Variants in PDE6A observed in about 807,000 individuals in gnomAD.
PDE6A encodes the protein rod cGMP-specific 3',5'-cyclic phosphodiesterase subunit alpha.
In PDE6A, 84 loss-of-function variants were observed where a neutral mutation model predicts 106.3. The observed-to-expected ratio is 0.79, with a 90% CI of 0.66 to 0.95. PDE6A has a LOEUF of 0.95. PDE6A is among the 40% of genes least tolerant of loss of function. PDE6A has a pLI of 0.00. For synonymous variants in PDE6A, 394 were observed against 386.6 expected (o/e 1.02, Z -0.23); for missense variants, 1,052 against 1,084.9 (o/e 0.97, Z 0.43).
At chr5:149,912,470 T>G in intron 6 of PDE6A, among the ~76,000 whole-genome samples, 1 of 152,234 alleles carries the variant, frequency 6.6e-6, no homozygotes, top group East Asian at 1.9e-4. Context: ...TCAAGTAATG[T>G]GTGGCCATGT....
At chr5:149,871,141 G>C (rs1760533652) in intron 17 of PDE6A, among the ~76,000 whole-genome samples, 1 of 152,156 alleles carries the variant, frequency 6.6e-6, no homozygotes, top group Non-Finnish European at 1.5e-5. Flanking sequence ...TTAGAAGACA[G>C]GGTCTTTGTG....
At chr5:149,877,209 C>T (rs1466985356) in intron 17 of PDE6A, among the ~76,000 whole-genome samples, 1 of 152,126 alleles carries the variant, frequency 6.6e-6, no homozygotes, top group Non-Finnish European at 1.5e-5. Context: ...ACCCCACCCA[C>T]TGGCTGGGAA....
chr5:149,906,395 G>A (rs985475480), intron 7 of PDE6A, among the ~76,000 whole-genome samples: 2 of 151,418 alleles, frequency 1.3e-5, no homozygotes, highest in South Asian at 4.2e-4. Flanking sequence ...GTGTGGTGGT[G>A]CATGCCTGTA....
chr5:149,917,970 CT>C (rs1753603142), intron 5 of PDE6A, among the ~76,000 whole-genome samples: 1 of 152,136 alleles, frequency 6.6e-6, no homozygotes, highest in Admixed American at 6.5e-5. Context: ...CTATTAACCC[CT>C]GGTCAAGGCA....
rs763623940 is a variant in PDE6A at position 149,866,198 on chromosome 5, A to G, written c.2330T>C (p.Ile777Thr). The G allele has an allele frequency of 8.1e-6, 13 of 1,614,064 alleles. No homozygotes were observed. Among genetic ancestry groups the G allele is most frequent in the South Asian group, 2.2e-5 (2 of 91,090 alleles). The change falls in exon 20 of 22, where the codon ATT becomes ACT. Residue 777 changes from isoleucine (I) to threonine (T), a missense_variant. Ile to Thr is a moderately conservative substitution (Grantham distance 89, BLOSUM62 -1). Transcript: ENST00000255266. ...DELPKLQVGF[I>T]DFVCTFVYKE... ...GTAGACGAAGGTGCAAACAAAGTCA[A>G]TGAAGCCGACTTGAAGCTTAGGGAG...
chr5:149,926,294 A>T (rs957441908), intron 4 of PDE6A, among the ~76,000 whole-genome samples: 3 of 152,176 alleles, frequency 2.0e-5, no homozygotes, highest in African/African-American at 7.2e-5. Context: ...GGAACAAAAT[A>T]GAGAATCCAG....
intron 17 of PDE6A, among the ~76,000 whole-genome samples, chr5:149,879,428 T>TTA (rs1554086596): frequency 1.4e-5 from 2 of 143,898 alleles, no homozygotes; most frequent in African/African-American, 5.2e-5. Flanking sequence ...GTTTTTTTTT[T>TTA]ATTATTGTTA....
Position 149,934,660 on chromosome 5 carries a change from A to G in PDE6A, c.533T>C (p.Leu178Ser). 1.2e-6 allele frequency: 2 copies of G among 1,614,142 alleles called. No homozygotes were observed. Among genetic ancestry groups the G allele is most frequent in the Non-Finnish European group, 1.7e-6 (2 of 1,180,004 alleles). ...ILTEYKTKNI[L>S]ASPIMNGKDV... is the part of the protein sequence containing the mutation. ...CTTCCCATTCATTATGGGGGAAGCC[A>G]AGATGTTCTTGGTCTTGTACTCTGT... is the stretch of plus-strand genomic sequence containing the variant. The change falls in exon 2 of 22, where the codon TTG becomes TCG. Residue 178 changes from leucine (L) to serine (S), a missense_variant. Leu to Ser is a moderately radical substitution (Grantham distance 145). Transcript: ENST00000255266.
At chr5:149,939,093 T>C (rs1339819521) in intron 1 of PDE6A, among the ~76,000 whole-genome samples, 1 of 152,166 alleles carries the variant, frequency 6.6e-6, no homozygotes, top group East Asian at 1.9e-4. Flanking sequence ...CCCAGGGCCA[T>C]GAATTGAGTA....
chr5:149,934,579 TTGG>T lies in PDE6A; in HGVS notation c.611_613del (p.Thr204del). The stretch of plus-strand genomic sequence containing the variant: ...AAGCATTCTTACCTCTTCATCTCTC[TTGG>T]TGAAGTGGGATCCATCCACTTTATT... On this transcript the variant is annotated inframe_deletion, in exon 2 of 22. Coordinates refer to ENST00000255266, the MANE Select transcript of PDE6A (RefSeq NM_000440.3). The T allele has an allele frequency of 6.2e-7, 1 of 1,614,150 alleles. No individual in the cohort carries two copies. Among genetic ancestry groups the T allele is most frequent in the Non-Finnish European group, 8.5e-7 (1 of 1,179,976 alleles).
Position 149,907,378 on chromosome 5 carries a change from C to T in PDE6A, c.999G>A (p.Pro333=). 6.2e-7 allele frequency: 1 copy of T among 1,613,642 alleles called. No individual in the cohort carries two copies. The change falls in exon 7 of 22, where the codon CCG becomes CCA. Residue 333 remains proline, a splice_region_variant and synonymous_variant. Coordinates refer to ENST00000255266, the MANE Select transcript of PDE6A (RefSeq NM_000440.3). The part of the protein sequence containing the change: ...LHGKEDIKVI[P]NPPPDHWALV... ...AAGCCCAATGGTCAGGAGGTGGATTCCTGTGAAGGCCAAAGACAAAACGGT... is the reference window on the plus strand; with the variant it reads ...AAGCCCAATGGTCAGGAGGTGGATTTCTGTGAAGGCCAAAGACAAAACGGT...
rs1211680594 is a variant in PDE6A at position 149,860,906 on chromosome 5, A to G, written c.2572T>C (p.Cys858Arg). ...PGGATTSKSC[C>R]IQ The stretch of plus-strand genomic sequence containing the variant: ...CATCCCCAGTGGTGTTACTGGATGC[A>G]GCAGGACTTGGATGTAGTTGCACCC... Residue 858 changes from cysteine to arginine, a missense_variant, in exon 22 of 22, where the codon TGC becomes CGC. Around this residue, in one of 3 missense-constraint regions of PDE6A, gnomAD observed 135 missense variants for 153.2 expected, o/e 0.88. Coordinates refer to ENST00000255266, the MANE Select transcript of PDE6A (RefSeq NM_000440.3). The G allele has an allele frequency of 6.2e-7, 1 of 1,614,092 alleles. No individual in the cohort carries two copies. Among genetic ancestry groups the G allele is most frequent in the Non-Finnish European group, 8.5e-7 (1 of 1,179,930 alleles).
chr5:149,883,770 A>G (rs1267107647), intron 16 of PDE6A, among the ~76,000 whole-genome samples: 1 of 152,224 alleles, frequency 6.6e-6, no homozygotes, highest in Non-Finnish European at 1.5e-5. Context: ...TCCCATCTGT[A>G]CAGCGGGGGT....
chr5:149,907,880 C>A (rs989197399), intron 6 of PDE6A, among the ~76,000 whole-genome samples: 1 of 152,150 alleles, frequency 6.6e-6, no homozygotes, highest in Non-Finnish European at 1.5e-5. Flanking sequence ...AAAAACTTCA[C>A]CAATCATTAG....
chr5:149,884,960 A>G (rs774742132), intron 14 of PDE6A, 93 bp from the exon 15 acceptor site: 4 of 1,015,080 alleles, frequency 3.9e-6, no homozygotes, highest in Non-Finnish European at 6.2e-6. Flanking sequence ...AGCCTTCTCC[A>G]CAAGTGATTC....
rs551368420 is a variant in PDE6A at position 149,935,394 on chromosome 5, T to C, written c.475-676A>G. Among the ~76,000 whole-genome samples, 7 of 152,322 alleles carry C rather than the reference T, an allele frequency of 4.6e-5. No individual in the cohort carries two copies. In the South Asian group the frequency reaches 1.4e-3, roughly 32 times the overall value. On this transcript the variant is annotated intron_variant, in intron 1 of 21. Transcript: ENST00000255266. ...AAAAGAATTTGTTATTTTCAGCTTT[T>C]TAAACAATCCAGTTCTAGCACCACA... is the stretch of plus-strand genomic sequence containing the variant.
intron 7 of PDE6A, among the ~76,000 whole-genome samples, chr5:149,906,237 C>G (rs1036827251): frequency 1.3e-5 from 2 of 151,714 alleles, no homozygotes; most frequent in African/African-American, 4.8e-5. Flanking sequence ...AAAATCCCAC[C>G]TTTTGAGGAT....
At chr5:149,915,330 T>G (rs1230086271) in intron 5 of PDE6A, among the ~76,000 whole-genome samples, 2 of 151,996 alleles carry the variant, frequency 1.3e-5, no homozygotes, top group Non-Finnish European at 2.9e-5. Flanking sequence ...CCTTCAAGAG[T>G]CAAATAGAAG....
chr5:149,906,538 A>AAAAAAAAAAAAAAAAAAC (rs1211394804), intron 7 of PDE6A, among the ~76,000 whole-genome samples: 1 of 147,100 alleles, frequency 6.8e-6, no homozygotes, highest in African/African-American at 2.5e-5. Context: ...AAAAAAAAAA[A>AAAAAAAAAAAAAAAAAAC]TCCCACCTTT....
Sources: allele counts gnomAD v4.1 joint callset (sites outside exome capture counted in the v4.1 genomes callset), GRCh38; gene constraint gnomAD v4.1.1; regional missense constraint gnomAD v4.1.1; transcripts MANE v1.5; gene names NCBI Gene and HGNC (gene_info 2026-07-23, HGNC 2026-07-21).